The following AXIN1 variants were observed in gnomAD, a reference collection of about 807,000 sequenced individuals.
AXIN1 encodes axin 1.
Under a neutral mutation model 76.4 loss-of-function variants are expected in AXIN1, and 30 were observed. The observed-to-expected ratio is 0.39, with a 90% CI of 0.29 to 0.53. The LOEUF (loss-of-function observed/expected upper bound fraction) is 0.53. AXIN1 is among the 20% of genes least tolerant of loss of function. The probability of loss-of-function intolerance (pLI) is 0.66; values close to 1 mark genes in which losing one functional copy is unlikely to be tolerated. For missense variants in AXIN1, 1,140 were observed against 1,198.8 expected (o/e 0.95, Z 0.72); for synonymous variants, 545 against 501.4 (o/e 1.09, Z -1.16).
chr16:337,503 A>C (rs2053831168), intron 2 of AXIN1, among the ~76,000 whole-genome samples: 2 of 150,818 alleles, frequency 1.3e-5, no homozygotes, highest in South Asian at 2.1e-4. Context: ...AAACCAAAAA[A>C]AAAAAAAAAA....
chr16:328,926 T>C (rs2141649889), intron 2 of AXIN1, among the ~76,000 whole-genome samples: 1 of 152,254 alleles, frequency 6.6e-6, no homozygotes, highest in Non-Finnish European at 1.5e-5. Context: ...CCAGGCACCC[T>C]GTCCTCTCTG....
chr16:307,575 G>T (rs1350563549), intron 4 of AXIN1, among the ~76,000 whole-genome samples: 1 of 152,172 alleles, frequency 6.6e-6, no homozygotes, highest in Non-Finnish European at 1.5e-5. Context: ...GGGGGCAGGG[G>T]GCTTTTCGGG....
intron 2 of AXIN1, among the ~76,000 whole-genome samples, chr16:345,371 C>T (rs1036170710): frequency 2.0e-5 from 3 of 152,188 alleles, no homozygotes; most frequent in African/African-American, 7.2e-5. Flanking sequence ...GTAAAACGTC[C>T]CCCCTGCTAT....
intron 5 of AXIN1, among the ~76,000 whole-genome samples, chr16:300,931 GT>G (rs1041524275): frequency 1.3e-5 from 2 of 152,186 alleles, no homozygotes; most frequent in African/African-American, 4.8e-5. Context: ...TCGGCTAATG[GT>G]TTTTGTTTTC....
chr16:336,447 C>T (rs1423347153), intron 2 of AXIN1, among the ~76,000 whole-genome samples: 2 of 152,160 alleles, frequency 1.3e-5, no homozygotes, highest in Non-Finnish European at 2.9e-5. Flanking sequence ...CATCACGTGG[C>T]TGTGCTTGAA....
At chr16:329,139 G>A (rs528624264) in intron 2 of AXIN1, among the ~76,000 whole-genome samples, 2 of 151,840 alleles carry the variant, frequency 1.3e-5, no homozygotes, top group Non-Finnish European at 2.9e-5. Flanking sequence ...TTAGCCAGGC[G>A]TGGTGGTGTG....
chr16:332,917 G>T (rs1269843505), intron 2 of AXIN1, among the ~76,000 whole-genome samples: 1 of 152,124 alleles, frequency 6.6e-6, no homozygotes, highest in Non-Finnish European at 1.5e-5. Flanking sequence ...GCAATCAATG[G>T]CTCACACCTG....
At chr16:304,272 C>G (rs778456097) in intron 5 of AXIN1, 32 bp downstream of exon 5, 1 of 1,602,960 alleles carries the variant, frequency 6.2e-7, no homozygotes, top group Non-Finnish European at 8.5e-7. Flanking sequence ...ACGACACCGA[C>G]GCGGAGCGCG....
At position 289,610 on chromosome 16, in the gene AXIN1, G is replaced by T; in HGVS notation, c.2295-3C>A. The T allele has an allele frequency of 6.2e-7, 1 of 1,612,660 alleles. No individual in the cohort carries two copies. Among genetic ancestry groups the T allele is most frequent in the African/African-American group, 1.3e-5 (1 of 75,044 alleles). On this transcript the variant is annotated splice_region_variant and splice_polypyrimidine_tract_variant and intron_variant, in intron 9 of 10. Coordinates refer to ENST00000262320, the MANE Select transcript of AXIN1 (RefSeq NM_003502.4). ...CCACCTTCCTCTGCGATCTTGTCCT[G>T]GGGAAAGAGATGCAGCGGTGGTACC...
At chr16:334,160 C>CAGTACCATGGCACACCAAT (rs2053752983) in intron 2 of AXIN1, among the ~76,000 whole-genome samples, 1 of 150,456 alleles carries the variant, frequency 6.6e-6, no homozygotes, top group South Asian at 2.1e-4. Context: ...ACACAGCACC[C>CAGTACCATGGCACACCAAT]AGTACCATGG....
Position 296,911 on chromosome 16 carries a change from G to A in AXIN1, c.1955+145C>T, listed in dbSNP as rs139656265. The A allele has an allele frequency of 3.1e-4, 317 of 1,015,376 alleles. No individual in the cohort carries two copies. The East Asian group carries it at 5.5e-3, about 18-fold the overall frequency. The allele number at this position is 1,015,376 out of a possible 1,614,324, so 62.9% of individuals were successfully genotyped here. ...CCAGGGAGCCTGCTGGAGGGTGCCC[G>A]GGAGGGTGCCACAGTGACAGGGGAA... On this transcript the variant is annotated intron_variant, in intron 7 of 10. Transcript: ENST00000262320.
At chr16:306,368 A>T (rs1045016406) in intron 4 of AXIN1, among the ~76,000 whole-genome samples, 1 of 152,180 alleles carries the variant, frequency 6.6e-6, no homozygotes, top group Non-Finnish European at 1.5e-5. Context: ...ATAGCAAAAC[A>T]TGTTTTAAAA....
chr16:309,591 C>T (rs2053121413), intron 4 of AXIN1, among the ~76,000 whole-genome samples: 1 of 152,174 alleles, frequency 6.6e-6, no homozygotes, highest in African/African-American at 2.4e-5. Context: ...CACAAAAACA[C>T]CAAGTTTTCC....
At chr16:311,618 A>G (rs926423633) in intron 3 of AXIN1, among the ~76,000 whole-genome samples, 8 of 151,880 alleles carry the variant, frequency 5.3e-5, no homozygotes, top group African/African-American at 1.9e-4. Context: ...AAAAATACAA[A>G]AAATTAGCCA....
chr16:310,693 G>A (rs548945026), intron 3 of AXIN1, among the ~76,000 whole-genome samples: 14 of 152,348 alleles, frequency 9.2e-5, no homozygotes, highest in African/African-American at 2.9e-4. Context: ...AAGCCACGGC[G>A]CCCGGCCAAG....
In AXIN1 at chr16:346,858, A is replaced by G. The variant is rs2054044518; in HGVS notation, c.168T>C (p.Thr56=). Residue 56 remains threonine, a synonymous_variant, in exon 2 of 11, where the codon ACT becomes ACC. Coordinates refer to ENST00000262320, the MANE Select transcript of AXIN1 (RefSeq NM_003502.4). ...SGKGVGIKGE[T]STATPRRSDL... The stretch of plus-strand genomic sequence containing the variant: ...CCGAGCGCCTCGGAGTGGCCGTCGA[A>G]GTCTCACCTTTAATGCCAACACCTT... 5 of 1,613,618 alleles carry G rather than the reference A, an allele frequency of 3.1e-6. No individual in the cohort carries two copies. The East Asian group carries it at 1.1e-4, about 36-fold the overall frequency.
intron 5 of AXIN1, among the ~76,000 whole-genome samples, chr16:301,162 T>C (rs1370068705): frequency 1.1e-4 from 17 of 151,682 alleles, no homozygotes; most frequent in Admixed American, 2.6e-4. Flanking sequence ...TCCCAGCTAC[T>C]GGGGAGGCTG....
chr16:291,300 A>C lies in AXIN1; in HGVS notation c.2187-3T>G. 6.4e-7 allele frequency: 1 copy of C among 1,573,122 alleles called. No homozygotes were observed. Among genetic ancestry groups the C allele is most frequent in the African/African-American group, 1.3e-5 (1 of 74,568 alleles). ...GCCGCATAACCTCCTGCACATACCT[A>C]GGGAACAACCCGCGTCAAAGGTGGC... On this transcript the variant is annotated splice_region_variant and splice_polypyrimidine_tract_variant and intron_variant, in intron 8 of 10. Transcript: ENST00000262320.
intron 7 of AXIN1, among the ~76,000 whole-genome samples, chr16:296,745 T>TG (rs1194306059): frequency 6.6e-6 from 1 of 152,138 alleles, no homozygotes; most frequent in Non-Finnish European, 1.5e-5. Context: ...CATTCTCATG[T>TG]GGGGGTCAGA....
Sources: allele counts gnomAD v4.1 joint callset (sites outside exome capture counted in the v4.1 genomes callset), GRCh38; gene constraint gnomAD v4.1.1; transcripts MANE v1.5; gene names NCBI Gene and HGNC (gene_info 2026-07-23, HGNC 2026-07-21).